IREB2: variants seen among roughly 807,000 people sequenced by gnomAD.
IREB2 encodes iron-responsive element-binding protein 2.
In IREB2, 39 loss-of-function variants were observed where a neutral mutation model predicts 118.8. That is an observed-to-expected ratio of 0.33 (90% confidence interval 0.25 to 0.43). IREB2 has a LOEUF of 0.43. Among genes scored for constraint, IREB2 ranks in the 20% least tolerant of loss-of-function variants. The probability of loss-of-function intolerance (pLI) is 1.00; values close to 1 mark genes in which losing one functional copy is unlikely to be tolerated. For missense variants in IREB2, 900 were observed against 1,147.3 expected, an observed-to-expected ratio of 0.78 and a Z score of 3.11; for synonymous variants, 372 against 392.2, an observed-to-expected ratio of 0.95 and a Z score of 0.61.
At position 78,500,282 on chromosome 15, in the gene IREB2, C is replaced by G. The variant is rs2051918386; in HGVS notation, c.*2139C>G. ...CATTCACATATCCAGTCTACCTGGTCCAGTAATAATACAAGCAAATCTTGT... is the reference window on the plus strand; with the variant it reads ...CATTCACATATCCAGTCTACCTGGTGCAGTAATAATACAAGCAAATCTTGT... On this transcript the variant is annotated 3_prime_UTR_variant, in exon 22 of 22. Coordinates refer to ENST00000258886, the MANE Select transcript of IREB2 (RefSeq NM_004136.4). The G allele has an allele frequency of 6.6e-6, 1 of 152,096 alleles. No individual in the cohort carries two copies. The allele number at this position is 152,096 out of a possible 1,614,324, so 9.4% of individuals were successfully genotyped here. A position where few individuals can be genotyped will look rare whatever the true frequency, so the allele number is the denominator to read the frequency against.
At position 78,501,240 on chromosome 15, in the gene IREB2, T is replaced by C. The variant is rs766824737; in HGVS notation, c.*3097T>C. 7.9e-5 allele frequency: 12 copies of C among 152,484 alleles called. No homozygotes were observed. Among genetic ancestry groups the C allele is most frequent in the Non-Finnish European group, 1.6e-4 (11 of 68,020 alleles). The allele number at this position is 152,484 out of a possible 1,614,324, so 9.4% of individuals were successfully genotyped here. On this transcript the variant is annotated 3_prime_UTR_variant, in exon 22 of 22. Transcript: ENST00000258886. ...GTGGCTATGAAACCATATATCTCACTTAAGTAACAAAGTAATCACTTTGTC... is the reference window on the plus strand; with the variant it reads ...GTGGCTATGAAACCATATATCTCACCTAAGTAACAAAGTAATCACTTTGTC...
chr15:78,477,485 G>T (rs1460170717), intron 9 of IREB2, among the ~76,000 whole-genome samples: 7 of 152,182 alleles, frequency 4.6e-5, no homozygotes, highest in Non-Finnish European at 7.3e-5. Context: ...ACCCTCATGT[G>T]GTTTCTCCGT....
chr15:78,482,824 T>C (rs1168582237), intron 10 of IREB2, among the ~76,000 whole-genome samples: 1 of 151,860 alleles, frequency 6.6e-6, no homozygotes, highest in African/African-American at 2.4e-5. Context: ...CTTGGCTCAC[T>C]GCAAGCTCCG....
intron 2 of IREB2, among the ~76,000 whole-genome samples, chr15:78,453,556 G>A (rs1338810730): frequency 6.6e-6 from 1 of 152,048 alleles, no homozygotes; most frequent in Admixed American, 6.5e-5. Flanking sequence ...TGACTCTTGA[G>A]TCCTAAAATG....
chr15:78,483,306 C>G lies in IREB2; in HGVS notation c.1297-12C>G. ...TTCTAATTCCTTGTTCTTTCTCTTT[C>G]TCATTTCTTAGGTGATCCAGATTAA... On this transcript the variant is annotated splice_polypyrimidine_tract_variant and intron_variant, in intron 10 of 21. Coordinates refer to ENST00000258886, the MANE Select transcript of IREB2 (RefSeq NM_004136.4). 8.1e-7 allele frequency: 1 copy of G among 1,236,442 alleles called. No homozygotes were observed. Among genetic ancestry groups the G allele is most frequent in the Non-Finnish European group, 1.2e-6 (1 of 841,758 alleles). The allele number at this position is 1,236,442 out of a possible 1,614,324, so 76.6% of individuals were successfully genotyped here. A position where few individuals can be genotyped will look rare whatever the true frequency, so the allele number is the denominator to read the frequency against.
At position 78,440,633 on chromosome 15, in the gene IREB2, T is replaced by C. The variant is rs185743842; in HGVS notation, c.106+752T>C. ...GCATCTGCCTCAGCCTCACAAAGTA[T>C]TGGGATTGCAGGCCTGAGCCACTAT... On this transcript the variant is annotated intron_variant, in intron 2 of 21. Coordinates refer to ENST00000258886, the MANE Select transcript of IREB2 (RefSeq NM_004136.4). Among the ~76,000 whole-genome samples, 69 of 152,352 alleles carry C rather than the reference T, an allele frequency of 4.5e-4. 1 individual carries two copies. Among genetic ancestry groups the C allele is most frequent in the Admixed American group, 4.5e-3 (69 of 15,296 alleles).
chr15:78,449,888 A>T (rs2050994894), intron 2 of IREB2, among the ~76,000 whole-genome samples: 1 of 152,166 alleles, frequency 6.6e-6, no homozygotes, highest in Admixed American at 6.5e-5. Flanking sequence ...CTTATTTTAG[A>T]AGTGTGATGA....
At chr15:78,464,161 C>G (rs1334104748) in intron 3 of IREB2, among the ~76,000 whole-genome samples, 7 of 152,212 alleles carry the variant, frequency 4.6e-5, no homozygotes, top group African/African-American at 1.4e-4. Context: ...GTCACACTTG[C>G]AATCAATAGT....
At chr15:78,461,061 A>G (rs977516804) in intron 2 of IREB2, among the ~76,000 whole-genome samples, 1 of 152,142 alleles carries the variant, frequency 6.6e-6, no homozygotes, top group Non-Finnish European at 1.5e-5. Context: ...CCCCAAAGCT[A>G]CCTTCTGCCG....
intron 2 of IREB2, among the ~76,000 whole-genome samples, chr15:78,442,775 ATTC>A (rs2050864392): frequency 6.6e-6 from 1 of 152,122 alleles, no homozygotes; most frequent in African/African-American, 2.4e-5. Context: ...TTCTGTTTTT[ATTC>A]TTTTGGTTGC....
At chr15:78,497,493 A>G (rs1473643676) in intron 21 of IREB2, among the ~76,000 whole-genome samples, 182 bp downstream of exon 21, 1 of 152,188 alleles carries the variant, frequency 6.6e-6, no homozygotes, top group African/African-American at 2.4e-5. Context: ...CTCTGAGGAA[A>G]AGTGGAAAGA....
intron 2 of IREB2, among the ~76,000 whole-genome samples, chr15:78,459,135 C>T (rs2051155075): frequency 6.6e-6 from 1 of 152,082 alleles, no homozygotes; most frequent in Non-Finnish European, 1.5e-5. Flanking sequence ...CGTGAGAATA[C>T]TTTTGTAACC....
chr15:78,443,289 A>G (rs540750071), intron 2 of IREB2, among the ~76,000 whole-genome samples: 1 of 152,332 alleles, frequency 6.6e-6, no homozygotes, highest in Non-Finnish European at 1.5e-5. Context: ...GAAACCACAG[A>G]AAGCCAAACC....
intron 15 of IREB2, 123 bp downstream of exon 15, chr15:78,488,459 G>A: frequency 1.0e-6 from 1 of 995,204 alleles, no homozygotes; most frequent in Non-Finnish European, 1.5e-6. Flanking sequence ...GTATGATAAT[G>A]TATAGTTATT....
intron 5 of IREB2, among the ~76,000 whole-genome samples, chr15:78,467,565 C>T (rs1219509552): frequency 6.6e-6 from 1 of 151,976 alleles, no homozygotes; most frequent in East Asian, 1.9e-4. Context: ...GTGGCAGGAA[C>T]CTGTAATCCC....
intron 2 of IREB2, among the ~76,000 whole-genome samples, chr15:78,441,894 T>G (rs2050850021): frequency 6.6e-6 from 1 of 152,076 alleles, no homozygotes; most frequent in Admixed American, 6.6e-5. Context: ...TTTTATTTTA[T>G]TTTATTTTAT....
chr15:78,459,588 G>A (rs2051163869), intron 2 of IREB2, among the ~76,000 whole-genome samples: 1 of 152,158 alleles, frequency 6.6e-6, no homozygotes, highest in African/African-American at 2.4e-5. Flanking sequence ...GACCTCGAGT[G>A]ATCCACCCAC....
intron 5 of IREB2, among the ~76,000 whole-genome samples, chr15:78,468,214 T>C (rs2051317416): frequency 6.6e-6 from 1 of 152,234 alleles, no homozygotes; most frequent in Admixed American, 6.5e-5. Flanking sequence ...ATAATTCATG[T>C]AAAATATAAC....
At chr15:78,463,807 G>A (rs907768027) in intron 3 of IREB2, among the ~76,000 whole-genome samples, 1 of 152,100 alleles carries the variant, frequency 6.6e-6, no homozygotes, top group African/African-American at 2.4e-5. Flanking sequence ...GCCTCCCAAA[G>A]CTCTGGGATT....
Sources: gnomAD v4.1 joint callset for allele counts (sites outside exome capture counted in the v4.1 genomes callset) on GRCh38, gnomAD v4.1.1 for gene constraint, MANE v1.5 for transcripts, NCBI Gene and HGNC (gene_info 2026-07-23, HGNC 2026-07-21) for gene names.